SCG5: variants seen among roughly 807,000 people sequenced by gnomAD.
SCG5 encodes secretogranin V.
In SCG5, 18 loss-of-function variants were observed where a neutral mutation model predicts 25.7. That is an observed-to-expected ratio of 0.70 (90% confidence interval 0.48 to 1.04). SCG5 has a LOEUF of 1.04. Ranked by LOEUF, SCG5 falls within the 50% of genes least tolerant of loss-of-function variation. The pLI is 0.00. For missense variants in SCG5, 206 were observed against 259.8 expected, an observed-to-expected ratio of 0.79 and a Z score of 1.42; for synonymous variants, 101 against 91.7, an observed-to-expected ratio of 1.10 and a Z score of -0.58.
At chr15:32,643,063 C>T (rs2053891365) in intron 1 of SCG5, among the ~76,000 whole-genome samples, 1 of 152,158 alleles carries the variant, frequency 6.6e-6, no homozygotes. Flanking sequence ...GGATCGCAAA[C>T]GTATTGGATG....
In SCG5 at chr15:32,679,884, C is replaced by A. The variant is rs750786784; in HGVS notation, c.345C>A (p.Asp115Glu). Residue 115 changes from aspartate (D) to glutamate (E), a missense_variant, in exon 3 of 6, where the codon GAC becomes GAA. Asp to Glu is a conservative substitution (Grantham distance 45). Transcript: ENST00000300175. ...KDFSEDQGYP[D>E]PPNPCPVGKT... ...TTAGTGAGGATCAGGGGTACCCAGA[C>A]CCTCCAAATCCCTGTCCTGTTGGAA... 6.2e-7 allele frequency: 1 copy of A among 1,613,480 alleles called. No individual in the cohort carries two copies. The highest frequency in any genetic ancestry group is 8.5e-7 in the Non-Finnish European group (1 of 1,179,592).
chr15:32,652,344 A>G (rs998637328), intron 2 of SCG5, among the ~76,000 whole-genome samples: 1 of 152,186 alleles, frequency 6.6e-6, no homozygotes, highest in Non-Finnish European at 1.5e-5. Flanking sequence ...CCAGAATGTC[A>G]GGTAAAGGGG....
chr15:32,679,736 T>G (rs778112620), intron 2 of SCG5, 30 bp from the exon 3 acceptor site: 10 of 1,612,580 alleles, frequency 6.2e-6, no homozygotes, highest in Non-Finnish European at 8.5e-7. Context: ...TGAATTGCAC[T>G]GCAATGAACT....
chr15:32,689,230 T>C (rs1233134337), intron 4 of SCG5, among the ~76,000 whole-genome samples: 1 of 152,214 alleles, frequency 6.6e-6, no homozygotes, highest in South Asian at 2.1e-4. Context: ...TTATATAGTA[T>C]AAGTATGGAT....
At chr15:32,693,817 A>C (rs1038082534) in intron 5 of SCG5, among the ~76,000 whole-genome samples, 3 of 152,216 alleles carry the variant, frequency 2.0e-5, no homozygotes, top group African/African-American at 7.2e-5. Flanking sequence ...GCACAATTAA[A>C]GCCAAGGCTC....
intron 4 of SCG5, among the ~76,000 whole-genome samples, chr15:32,690,971 TA>T (rs2054843693): frequency 6.7e-6 from 1 of 150,256 alleles, no homozygotes; most frequent in Non-Finnish European, 1.5e-5. Flanking sequence ...GCCTTCAGGT[TA>T]AGTGTTCTGT....
intron 2 of SCG5, among the ~76,000 whole-genome samples, chr15:32,667,677 C>CATT (rs35467552): frequency 6.9e-6 from 1 of 145,840 alleles, no homozygotes; most frequent in Admixed American, 6.8e-5. Flanking sequence ...TAGTTTTATT[C>CATT]TTTTTTTTTT....
At chr15:32,654,052 C>T (rs1292555550) in intron 2 of SCG5, among the ~76,000 whole-genome samples, 1 of 152,198 alleles carries the variant, frequency 6.6e-6, no homozygotes, top group Non-Finnish European at 1.5e-5. Flanking sequence ...CTCACAATCA[C>T]TTACTGGAGG....
chr15:32,687,749 C>T (rs910570864), intron 4 of SCG5, among the ~76,000 whole-genome samples: 2 of 152,352 alleles, frequency 1.3e-5, no homozygotes, highest in African/African-American at 4.8e-5. Flanking sequence ...TCACATATTA[C>T]ACATTTCAGT....
At chr15:32,674,008 C>T (rs544718918) in intron 2 of SCG5, among the ~76,000 whole-genome samples, 7 of 152,250 alleles carry the variant, frequency 4.6e-5, no homozygotes, top group Middle Eastern at 3.4e-3. Context: ...TGTGAGCCAC[C>T]GCACCCGGCC....
intron 5 of SCG5, among the ~76,000 whole-genome samples, chr15:32,695,632 C>G (rs962286706): frequency 6.6e-6 from 1 of 151,964 alleles, no homozygotes; most frequent in African/African-American, 2.4e-5. Context: ...AATGATCACT[C>G]GAGCCCCTAA....
intron 4 of SCG5, among the ~76,000 whole-genome samples, chr15:32,685,834 G>A (rs2054699273): frequency 6.6e-6 from 1 of 152,218 alleles, no homozygotes; most frequent in Non-Finnish European, 1.5e-5. Flanking sequence ...GTGAGTGAAT[G>A]AGCAAATATT....
intron 2 of SCG5, among the ~76,000 whole-genome samples, chr15:32,661,637 A>T (rs1380330220): frequency 6.6e-6 from 1 of 152,128 alleles, no homozygotes; most frequent in Non-Finnish European, 1.5e-5. Context: ...AAAAGAGAAG[A>T]AAGAAAACAT....
At chr15:32,681,637 G>A (rs981354818) in intron 3 of SCG5, among the ~76,000 whole-genome samples, 1 of 151,646 alleles carries the variant, frequency 6.6e-6, no homozygotes, top group East Asian at 1.9e-4. Flanking sequence ...TTTTGTAGAG[G>A]TGGGGTCTCA....
intron 2 of SCG5, among the ~76,000 whole-genome samples, chr15:32,656,482 C>T (rs1432019294): frequency 5.9e-5 from 9 of 152,202 alleles, no homozygotes; most frequent in Admixed American, 4.6e-4. Flanking sequence ...AGGTTAAAAA[C>T]GTTTATCATT....
intron 2 of SCG5, among the ~76,000 whole-genome samples, chr15:32,679,229 C>G (rs909632778): frequency 6.7e-6 from 1 of 149,730 alleles, no homozygotes; most frequent in Non-Finnish European, 1.5e-5. Flanking sequence ...GAGTTTTGCT[C>G]TGTCGCTCAG....
At chr15:32,651,542 CTT>C (rs2054031251) in intron 2 of SCG5, among the ~76,000 whole-genome samples, 2 of 152,218 alleles carry the variant, frequency 1.3e-5, no homozygotes, top group Admixed American at 1.3e-4. Context: ...GCAGCTGACT[CTT>C]ATGTGTCTTG....
At chr15:32,668,859 T>G (rs1219006864) in intron 2 of SCG5, 1 of 152,280 alleles carries the variant, frequency 6.6e-6, no homozygotes, top group Non-Finnish European at 1.5e-5. Flanking sequence ...CTTTACTCGT[T>G]TCTTAAGTGT....
intron 2 of SCG5, among the ~76,000 whole-genome samples, chr15:32,660,313 C>T (rs2054196137): frequency 1.3e-5 from 2 of 152,152 alleles, no homozygotes; most frequent in South Asian, 4.1e-4. Flanking sequence ...GTTATCAGTA[C>T]CTACAGAGCT....
Sources: gnomAD v4.1 joint callset for allele counts (sites outside exome capture counted in the v4.1 genomes callset) on GRCh38, gnomAD v4.1.1 for gene constraint, MANE v1.5 for transcripts, NCBI Gene and HGNC (gene_info 2026-07-23, HGNC 2026-07-21) for gene names.